The following DENND4A variants were observed in gnomAD, a reference collection of about 807,000 sequenced individuals.
The protein encoded by DENND4A is C-myc promoter-binding protein.
A neutral mutation model predicts 199.3 loss-of-function variants in DENND4A; 70 were observed. The observed-to-expected ratio is 0.35, with a 90% CI of 0.29 to 0.43. The LOEUF (loss-of-function observed/expected upper bound fraction) is 0.43, where lower values mean the gene tolerates loss of function less well. Ranked by LOEUF, DENND4A falls within the 20% of genes least tolerant of loss-of-function variation. The pLI is 1.00. For synonymous variants in DENND4A, 686 were observed against 766.9 expected (o/e 0.89, Z 1.74); for missense variants, 1,723 against 2,255.8 (o/e 0.76, Z 4.78).
At chr15:65,685,339 G>T (rs1477840657) in intron 23 of DENND4A, among the ~76,000 whole-genome samples, 1 of 152,038 alleles carries the variant, frequency 6.6e-6, no homozygotes. Context: ...TGTTAGCCAG[G>T]ATGGTCTAGA....
At chr15:65,746,117 G>A (rs1390992940) in intron 4 of DENND4A, among the ~76,000 whole-genome samples, 1 of 151,314 alleles carries the variant, frequency 6.6e-6, no homozygotes, top group African/African-American at 2.4e-5. Context: ...CTCCAGCCTG[G>A]GCGACAAGAG....
intron 1 of DENND4A, among the ~76,000 whole-genome samples, chr15:65,765,776 C>A (rs2076968603): frequency 6.6e-6 from 1 of 152,196 alleles, no homozygotes; most frequent in African/African-American, 2.4e-5. Context: ...TTACCAAAGA[C>A]AAGATGCAGC....
chr15:65,742,190 G>A (rs2076276874), intron 4 of DENND4A, among the ~76,000 whole-genome samples: 2 of 152,286 alleles, frequency 1.3e-5, no homozygotes, highest in African/African-American at 2.4e-5. Context: ...CTCAAGAGTT[G>A]TAATTTGTTA....
At chr15:65,677,927 C>CTTTTTT (rs11071847) in intron 23 of DENND4A, among the ~76,000 whole-genome samples, 1 of 100,112 alleles carries the variant, frequency 1.0e-5, no homozygotes, top group Non-Finnish European at 2.0e-5. Flanking sequence ...CCTCTTATCT[C>CTTTTTT]TTTTTTTTTT....
In DENND4A at chr15:65,667,990, C is replaced by T. The variant is rs2076096503; in HGVS notation, c.4921G>A (p.Glu1641Lys). 6.2e-7 allele frequency: 1 copy of T among 1,611,098 alleles called. No homozygotes were observed. Among genetic ancestry groups the T allele is most frequent in the African/African-American group, 1.3e-5 (1 of 74,804 alleles). The stretch of plus-strand genomic sequence containing the variant: ...ATGAGCTTCTGTCTTCCAGTATCTT[C>T]CTTATCCAAGGGGCCAGAAGTACTA... The part of the protein sequence containing the change: ...SISTSGPLDK[E>K]DTGRQKLIST... Residue 1641 changes from glutamate (E) to lysine (K), a missense_variant, in exon 28 of 33, where the codon GAA becomes AAA. By Grantham distance (56) the Glu-to-Lys change is moderately conservative. Around this residue, in one of 6 missense-constraint regions of DENND4A, gnomAD observed 141 missense variants for 170.7 expected, o/e 0.83. Coordinates refer to ENST00000443035, the MANE Select transcript of DENND4A (RefSeq NM_001320835.1).
At chr15:65,668,418 A>G (rs1374809059) in intron 27 of DENND4A, among the ~76,000 whole-genome samples, 1 of 152,108 alleles carries the variant, frequency 6.6e-6, no homozygotes. Flanking sequence ...CATGTTGTCC[A>G]GGCTGGTCTC....
intron 12 of DENND4A, among the ~76,000 whole-genome samples, chr15:65,718,760 CTTTTTTTTTTTT>C (rs1038227560): frequency 1.7e-3 from 112 of 67,770 alleles, no homozygotes; most frequent in African/African-American, 4.6e-3. Flanking sequence ...GTTTTTTTTC[CTTTTTTTTTTTT>C]TTTTTTTTTT....
chr15:65,663,199 T>A (rs983315564), intron 32 of DENND4A, among the ~76,000 whole-genome samples: 17 of 101,732 alleles, frequency 1.7e-4, no homozygotes, highest in Admixed American at 2.8e-4. Flanking sequence ...TATATATATA[T>A]TTTTTTTTTT....
chr15:65,748,462 T>G (rs1017162087), intron 4 of DENND4A, among the ~76,000 whole-genome samples: 9 of 150,876 alleles, frequency 6.0e-5, no homozygotes, highest in Admixed American at 3.3e-4. Flanking sequence ...TACAAAAAAT[T>G]TTGAAAATTA....
intron 1 of DENND4A, chr15:65,771,694 A>G (rs1044828451): frequency 6.2e-7 from 1 of 1,609,624 alleles, no homozygotes; most frequent in African/African-American, 1.3e-5. Flanking sequence ...ATCCACCCCC[A>G]AAAAATATAT....
At chr15:65,791,693 C>A (rs2077730274) in intron 1 of DENND4A, among the ~76,000 whole-genome samples, 1 of 152,132 alleles carries the variant, frequency 6.6e-6, no homozygotes, top group Non-Finnish European at 1.5e-5. Context: ...CCAGGACCTC[C>A]CCCTCCCCGC....
intron 23 of DENND4A, among the ~76,000 whole-genome samples, chr15:65,686,866 T>TA (rs55817012): frequency 0.014 from 1,965 of 142,108 alleles, 29 homozygotes; most frequent in African/African-American, 0.031. Flanking sequence ...TAGTTAAAAT[T>TA]AAAAAAAAAA....
At chr15:65,777,003 A>G (rs1037697517) in intron 1 of DENND4A, among the ~76,000 whole-genome samples, 13 of 152,074 alleles carry the variant, frequency 8.5e-5, no homozygotes, top group Non-Finnish European at 1.6e-4. Context: ...CCCCATCTCT[A>G]CTAAAAATAC....
At chr15:65,759,204 C>A (rs2076788586) in intron 2 of DENND4A, among the ~76,000 whole-genome samples, 1 of 152,118 alleles carries the variant, frequency 6.6e-6, no homozygotes, top group Non-Finnish European at 1.5e-5. Context: ...CTAGGCCAGG[C>A]AAGGTGGCTC....
chr15:65,707,849 C>A (rs543195459), intron 14 of DENND4A, among the ~76,000 whole-genome samples: 1 of 152,162 alleles, frequency 6.6e-6, no homozygotes, highest in Admixed American at 6.5e-5. Context: ...CCACACCCAG[C>A]TAATTTTTAT....
chr15:65,786,670 G>C (rs1431929565), intron 1 of DENND4A, among the ~76,000 whole-genome samples: 1 of 152,160 alleles, frequency 6.6e-6, no homozygotes, highest in Admixed American at 6.5e-5. Context: ...CTATGTGATA[G>C]ATGAGGACAC....
In DENND4A at chr15:65,712,668, C is replaced by T. The variant is rs1303407102; in HGVS notation, c.1953+2810G>A. Among the ~76,000 whole-genome samples, 3 of 151,986 alleles carry T rather than the reference C, an allele frequency of 2.0e-5. No individual in the cohort carries two copies. The East Asian group carries it at 5.8e-4, about 29-fold the overall frequency. On this transcript the variant is annotated intron_variant, in intron 14 of 32. Transcript: ENST00000443035. The stretch of plus-strand genomic sequence containing the variant: ...TCAGTAAGGCCAATTTTATGTTAAA[C>T]TAAGAACTGAACCAATTTATGAATA...
At chr15:65,741,666 C>T (rs759911466) in intron 5 of DENND4A, 49 bp downstream of exon 5, 1 of 1,512,570 alleles carries the variant, frequency 6.6e-7, no homozygotes, top group Non-Finnish European at 9.1e-7. Flanking sequence ...CCTTTCCGGG[C>T]CCTATAATAC....
intron 13 of DENND4A, 49 bp from the exon 14 acceptor site, chr15:65,715,672 A>T: frequency 6.8e-7 from 1 of 1,473,776 alleles, no homozygotes; most frequent in Non-Finnish European, 9.0e-7. Context: ...TCATTCATAG[A>T]TTCACAGAAT....
Sources: allele counts gnomAD v4.1 joint callset (sites outside exome capture counted in the v4.1 genomes callset), GRCh38; gene constraint gnomAD v4.1.1; regional missense constraint gnomAD v4.1.1; transcripts MANE v1.5; gene names NCBI Gene and HGNC (gene_info 2026-07-23, HGNC 2026-07-21).